Variants in ATRNL1 observed in about 807,000 individuals in gnomAD.
The protein encoded by ATRNL1 is attractin-like protein 1.
Under a neutral mutation model 182.7 loss-of-function variants are expected in ATRNL1, and 95 were observed. The observed-to-expected ratio is 0.52, with a 90% CI of 0.44 to 0.62. ATRNL1 has a LOEUF of 0.62. Among genes scored for constraint, ATRNL1 ranks in the 20% least tolerant of loss-of-function variants. The probability of loss-of-function intolerance (pLI) is 0.00; values close to 1 mark genes in which losing one functional copy is unlikely to be tolerated. For missense variants in ATRNL1, 1,471 were observed against 1,679.5 expected, an observed-to-expected ratio of 0.88 and a Z score of 2.17; for synonymous variants, 576 against 568.3, an observed-to-expected ratio of 1.01 and a Z score of -0.19.
At chr10:115,890,163 G>C (rs924287478) in intron 28 of ATRNL1, among the ~76,000 whole-genome samples, 2 of 152,162 alleles carry the variant, frequency 1.3e-5, no homozygotes, top group Non-Finnish European at 2.9e-5. Flanking sequence ...AGAAGCCCTC[G>C]TAAGCCTTAT....
intron 26 of ATRNL1, among the ~76,000 whole-genome samples, chr10:115,656,707 G>T (rs34243141): frequency 0.023 from 3,482 of 152,246 alleles, 122 homozygotes; most frequent in African/African-American, 0.08. Context: ...GGCAGTAAAT[G>T]ATGTGGTAGG....
At chr10:115,530,067 T>C (rs1048746536) in intron 25 of ATRNL1, among the ~76,000 whole-genome samples, 1 of 152,186 alleles carries the variant, frequency 6.6e-6, no homozygotes, top group Non-Finnish European at 1.5e-5. Context: ...CTTTGTTTCT[T>C]TTTATTGCTG....
intron 19 of ATRNL1, among the ~76,000 whole-genome samples, chr10:115,336,718 A>G (rs1554936810): frequency 6.6e-6 from 1 of 152,192 alleles, no homozygotes; most frequent in East Asian, 1.9e-4. Context: ...AATTTACTTA[A>G]TATATTTCTG....
chr10:115,504,721 TTAAA>T (rs1850019449), intron 24 of ATRNL1, among the ~76,000 whole-genome samples: 1 of 152,204 alleles, frequency 6.6e-6, no homozygotes, highest in African/African-American at 2.4e-5. Flanking sequence ...TTTACTTAAG[TTAAA>T]TAAACTTGAA....
intron 10 of ATRNL1, among the ~76,000 whole-genome samples, chr10:115,264,010 G>T (rs1851501007): frequency 6.6e-6 from 1 of 151,394 alleles, no homozygotes; most frequent in Admixed American, 6.6e-5. Flanking sequence ...GGAGATTTGT[G>T]TTTCCTGGAT....
At chr10:115,735,670 G>A (rs1283815622) in intron 27 of ATRNL1, among the ~76,000 whole-genome samples, 1 of 152,256 alleles carries the variant, frequency 6.6e-6, no homozygotes, top group South Asian at 2.1e-4. Flanking sequence ...ATACTACAAA[G>A]CTGATGTGAT....
chr10:115,816,748 T>A (rs1316974939), intron 27 of ATRNL1, among the ~76,000 whole-genome samples: 1 of 152,090 alleles, frequency 6.6e-6, no homozygotes, highest in African/African-American at 2.4e-5. Flanking sequence ...AAGGTGTTTC[T>A]TCACGTAATG....
chr10:115,688,826 C>T (rs1435667390), intron 26 of ATRNL1, among the ~76,000 whole-genome samples: 1 of 151,964 alleles, frequency 6.6e-6, no homozygotes, highest in Non-Finnish European at 1.5e-5. Flanking sequence ...ATTATCCCCC[C>T]TTTTTTATGA....
At chr10:115,921,126 A>G (rs1953046163) in intron 28 of ATRNL1, among the ~76,000 whole-genome samples, 1 of 152,230 alleles carries the variant, frequency 6.6e-6, no homozygotes, top group Admixed American at 6.5e-5. Flanking sequence ...TCCCTGAAGA[A>G]TAGAAGATGG....
chr10:115,897,750 C>T (rs1661912667), intron 28 of ATRNL1, among the ~76,000 whole-genome samples: 1 of 152,154 alleles, frequency 6.6e-6, no homozygotes, highest in African/African-American at 2.4e-5. Flanking sequence ...GATTTTTAAA[C>T]TAAAATGTAA....
intron 27 of ATRNL1, among the ~76,000 whole-genome samples, chr10:115,762,666 A>T (rs533527073): frequency 6.6e-5 from 10 of 152,268 alleles, no homozygotes; most frequent in Admixed American, 5.2e-4. Context: ...AATAGTATAT[A>T]ACATTATATA....
At chr10:115,474,741 A>C (rs937998131) in intron 24 of ATRNL1, among the ~76,000 whole-genome samples, 3 of 151,458 alleles carry the variant, frequency 2.0e-5, no homozygotes, top group African/African-American at 7.3e-5. Flanking sequence ...GTTTTCAGCA[A>C]ATTTTGACAA....
intron 24 of ATRNL1, among the ~76,000 whole-genome samples, chr10:115,500,920 C>CTTTTTTT (rs71010023): frequency 2.4e-4 from 13 of 54,458 alleles, no homozygotes; most frequent in African/African-American, 3.2e-4. Context: ...TCAGGTAAGA[C>CTTTTTTT]TTTTTTTTTT....
intron 19 of ATRNL1, among the ~76,000 whole-genome samples, chr10:115,335,871 T>C (rs1335471092): frequency 6.6e-6 from 1 of 152,172 alleles, no homozygotes; most frequent in African/African-American, 2.4e-5. Flanking sequence ...CTGCTGTTGG[T>C]TGAGTTCACA....
At chr10:115,307,997 C>T (rs1166061805) in intron 17 of ATRNL1, among the ~76,000 whole-genome samples, 1 of 152,084 alleles carries the variant, frequency 6.6e-6, no homozygotes, top group East Asian at 1.9e-4. Context: ...TACTTATCAA[C>T]AAAACTTTGT....
chr10:115,693,921 G>A (rs1233737216), intron 26 of ATRNL1, among the ~76,000 whole-genome samples: 1 of 152,018 alleles, frequency 6.6e-6, no homozygotes, highest in East Asian at 1.9e-4. Context: ...TTTGACAGGA[G>A]GGTGCTAGGC....
intron 20 of ATRNL1, among the ~76,000 whole-genome samples, chr10:115,422,474 C>A (rs1845692217): frequency 6.6e-6 from 1 of 152,016 alleles, no homozygotes; most frequent in Non-Finnish European, 1.5e-5. Context: ...AAATGCAAAT[C>A]AGAACCACAA....
intron 10 of ATRNL1, among the ~76,000 whole-genome samples, chr10:115,246,398 A>G (rs1850642416): frequency 6.6e-6 from 1 of 152,200 alleles, no homozygotes; most frequent in Non-Finnish European, 1.5e-5. Flanking sequence ...ACATTCAAAA[A>G]TAGTTTTTAT....
intron 28 of ATRNL1, among the ~76,000 whole-genome samples, chr10:115,887,287 CTATTACAAAA>C (rs150747962): frequency 0.024 from 3,685 of 152,248 alleles, 133 homozygotes; most frequent in African/African-American, 0.083. Context: ...TTGGGAGCTG[CTATTACAAAA>C]TATTACAAAA....
Sources: allele counts gnomAD v4.1 joint callset (sites outside exome capture counted in the v4.1 genomes callset), GRCh38; gene constraint gnomAD v4.1.1; transcripts MANE v1.5; gene names NCBI Gene and HGNC (gene_info 2026-07-23, HGNC 2026-07-21).